Variants in FH observed in about 807,000 individuals in gnomAD.
The protein encoded by FH is fumarate hydratase, mitochondrial.
A neutral mutation model predicts 49.4 loss-of-function variants in FH; 22 were observed. The ratio of observed to expected loss-of-function variants is 0.45; its 90% confidence interval spans 0.32 to 0.64. The LOEUF is 0.64. Ranked by LOEUF, FH falls within the 30% of genes least tolerant of loss-of-function variation. The probability of loss-of-function intolerance (pLI) is 0.05; values close to 1 mark genes in which losing one functional copy is unlikely to be tolerated. For missense variants in FH, 526 were observed against 641.5 expected (o/e 0.82, Z 1.95); for synonymous variants, 208 against 223.0 (o/e 0.93, Z 0.60).
intron 3 of FH, among the ~76,000 whole-genome samples, chr1:241,512,356 A>C (rs928488608): frequency 2.6e-5 from 4 of 152,166 alleles, no homozygotes; most frequent in African/African-American, 9.7e-5. Flanking sequence ...TATCTTTCTT[A>C]TCTCTCTCCC....
Position 241,497,884 on chromosome 1 carries a change from TGA to T in FH, c.1475_1476del (p.Leu492HisfsTer6), listed in dbSNP as rs886041201. On this transcript the variant is annotated frameshift_variant, in exon 10 of 10. Transcript: ENST00000366560. LOFTEE classifies it high-confidence loss of function. ...LKETAIELGY[L>X]TAEQFDEWVK... Reference sequence around the variant, plus strand: ...ACCCATTCGTCAAACTGCTCTGCTGTGAGATAGCCAAGTTCGATAGCAGTTTC... The same window carrying T: ...ACCCATTCGTCAAACTGCTCTGCTGTGATAGCCAAGTTCGATAGCAGTTTC... 1 of 1,612,802 alleles carries T rather than the reference TGA, an allele frequency of 6.2e-7. No individual in the cohort carries two copies. The highest frequency in any genetic ancestry group is 8.5e-7 in the Non-Finnish European group (1 of 1,179,404).
Position 241,502,475 on chromosome 1 carries a change from G to T in FH, c.1204C>A (p.His402Asn). Reference sequence around the variant, plus strand: ...GGCTTGAAAACATTCAACTCAAAATGTCCATTGCTGCCTCCGACAGTGACA... The same window carrying T: ...GGCTTGAAAACATTCAACTCAAAATTTCCATTGCTGCCTCCGACAGTGACA... ...VAVTVGGSNG[H>N]FELNVFKPMM... is the part of the protein sequence containing the mutation. The change falls in exon 8 of 10, where the codon CAT becomes AAT. Residue 402 changes from histidine (H) to asparagine (N), a missense_variant. This residue lies in a region of FH where 383 missense variants were observed against 514.0 expected (regional missense o/e 0.75). Transcript: ENST00000366560. 1.2e-6 allele frequency: 2 copies of T among 1,614,078 alleles called. No homozygotes were observed. The highest frequency in any genetic ancestry group is 1.7e-6 in the Non-Finnish European group (2 of 1,179,970).
At chr1:241,518,345 T>C (rs1660273650) in intron 1 of FH, among the ~76,000 whole-genome samples, 1 of 152,196 alleles carries the variant, frequency 6.6e-6, no homozygotes, top group Non-Finnish European at 1.5e-5. Flanking sequence ...ATTCAGAAGT[T>C]CTCCAGTCTG....
At chr1:241,511,867 T>C (rs1397632037) in intron 4 of FH, 100 bp downstream of exon 4, 5 of 1,151,982 alleles carry the variant, frequency 4.3e-6, no homozygotes, top group South Asian at 3.7e-5. Context: ...CATTAAATAA[T>C]GAACACTTCT....
At chr1:241,499,408 T>C (rs1297766203) in intron 9 of FH, among the ~76,000 whole-genome samples, 1 of 152,252 alleles carries the variant, frequency 6.6e-6, no homozygotes, top group Non-Finnish European at 1.5e-5. Flanking sequence ...CACACGAGCC[T>C]CTGGGTTCCC....
At chr1:241,508,563 C>A in intron 5 of FH, 40 bp downstream of exon 5, 1 of 1,567,508 alleles carries the variant, frequency 6.4e-7, no homozygotes, top group South Asian at 1.1e-5. Context: ...GCCATTTGTA[C>A]CAAGCTCTAA....
At position 241,504,176 on chromosome 1, in the gene FH, C is replaced by T. The variant is rs1423324601; in HGVS notation, c.974G>A (p.Ser325Asn). The T allele has an allele frequency of 1.2e-6, 2 of 1,614,228 alleles. No homozygotes were observed. Among genetic ancestry groups the T allele is most frequent in the South Asian group, 2.2e-5 (2 of 91,088 alleles). The stretch of plus-strand genomic sequence containing the variant: ...GCAGGCAGTAGTGTTCATGGCTCCA[C>T]TGAGCTCAACCAGAGCGTCATGAGC... ...LAAHDALVEL[S>N]GAMNTTACSL... The change falls in exon 7 of 10, where the codon AGT (serine) becomes AAT (asparagine). Residue 325 changes from serine (S) to asparagine (N), a missense_variant. This residue lies in a region of FH where 383 missense variants were observed against 514.0 expected (regional missense o/e 0.75). Coordinates refer to ENST00000366560, the MANE Select transcript of FH (RefSeq NM_000143.4).
chr1:241,513,625 G>A lies in FH; in HGVS notation c.356C>T (p.Ala119Val), dbSNP rs1395827785. The change falls in exon 3 of 10, where the codon GCA becomes GTA. Residue 119 changes from alanine to valine, a missense_variant. By Grantham distance (64) the Ala-to-Val change is moderately conservative. Transcript: ENST00000366560. ...DYGLDPKIAN[A>V]IMKAADEVAE... ...TACCTCATCTGCTGCCTTCATTATT[G>A]CATTAGCAATCTTTGGATCAAGACC... is the stretch of plus-strand genomic sequence containing the variant. 1 of 1,613,798 alleles carries A rather than the reference G, an allele frequency of 6.2e-7. No homozygotes were observed. Among genetic ancestry groups the A allele is most frequent in the Admixed American group, 1.7e-5 (1 of 60,004 alleles).
At chr1:241,509,859 T>A (rs1455433785) in intron 4 of FH, among the ~76,000 whole-genome samples, 1 of 151,274 alleles carries the variant, frequency 6.6e-6, no homozygotes. Flanking sequence ...AAAAGTATAC[T>A]GTCATTTAAA....
chr1:241,519,352 C>T (rs1382655714), intron 1 of FH: 2 of 512,242 alleles, frequency 3.9e-6, no homozygotes, highest in East Asian at 3.7e-5. Flanking sequence ...CAGTAGGACC[C>T]TCTCTGACAG....
intron 5 of FH, 38 bp downstream of exon 5, chr1:241,508,565 A>C: frequency 6.4e-7 from 1 of 1,572,222 alleles, no homozygotes; most frequent in Non-Finnish European, 8.8e-7. Flanking sequence ...CATTTGTACC[A>C]AGCTCTAAAT....
At chr1:241,519,473 T>C in intron 1 of FH, 118 bp downstream of exon 1, 1 of 1,290,874 alleles carries the variant, frequency 7.7e-7, no homozygotes, top group Non-Finnish European at 1.0e-6. Flanking sequence ...AAGCCCAGAG[T>C]CTGGCGCGGC....
intron 6 of FH, 76 bp from the exon 7 acceptor site, chr1:241,504,321 G>GA (rs1659860337): frequency 2.2e-6 from 3 of 1,384,096 alleles, no homozygotes; most frequent in Non-Finnish European, 3.0e-6. Context: ...AAGTGAAACA[G>GA]AAAGTTCCAA....
chr1:241,510,094 T>C (rs1660045136), intron 4 of FH, among the ~76,000 whole-genome samples: 1 of 152,206 alleles, frequency 6.6e-6, no homozygotes, highest in Non-Finnish European at 1.5e-5. Flanking sequence ...TAAAGGCAAG[T>C]ATTAGATTGG....
At chr1:241,507,713 C>T (rs1343027106) in intron 5 of FH, among the ~76,000 whole-genome samples, 1 of 152,112 alleles carries the variant, frequency 6.6e-6, no homozygotes, top group African/African-American at 2.4e-5. Flanking sequence ...ACATACTGTT[C>T]CTCCTTAGAA....
intron 9 of FH, among the ~76,000 whole-genome samples, chr1:241,499,372 G>A (rs1203379144): frequency 6.6e-6 from 1 of 152,158 alleles, no homozygotes; most frequent in Admixed American, 6.5e-5. Context: ...AACACATTCT[G>A]AAGTAAAGAT....
intron 2 of FH, 36 bp from the exon 3 acceptor site, chr1:241,513,749 T>C (rs1302083564): frequency 1.3e-6 from 2 of 1,545,644 alleles, no homozygotes; most frequent in African/African-American, 1.4e-5. Flanking sequence ...AAATTTACAA[T>C]TTTACTTAAG....
At chr1:241,519,441 C>A (rs769494142) in intron 1 of FH, 150 bp downstream of exon 1, 3 of 982,980 alleles carry the variant, frequency 3.1e-6, no homozygotes, top group African/African-American at 3.5e-5. Flanking sequence ...GCCGGGAGGC[C>A]CGCCACGCCG....
At chr1:241,501,823 G>A (rs968557092) in intron 8 of FH, among the ~76,000 whole-genome samples, 9 of 152,170 alleles carry the variant, frequency 5.9e-5, no homozygotes, top group Non-Finnish European at 1.3e-4. Context: ...TGCATCTATC[G>A]ATCTTCGTAA....
Sources: allele counts gnomAD v4.1 joint callset (sites outside exome capture counted in the v4.1 genomes callset), GRCh38; gene constraint gnomAD v4.1.1; regional missense constraint gnomAD v4.1.1; transcripts MANE v1.5; gene names NCBI Gene and HGNC (gene_info 2026-07-23, HGNC 2026-07-21).